The following PTGFRN variants were observed in gnomAD, a reference collection of about 807,000 sequenced individuals.
The protein encoded by PTGFRN is prostaglandin F2 receptor negative regulator.
Under a neutral mutation model 83.2 loss-of-function variants are expected in PTGFRN, and 35 were observed. That is an observed-to-expected ratio of 0.42 (90% CI 0.32 to 0.56). PTGFRN has a LOEUF of 0.56. PTGFRN is among the 20% of genes least tolerant of loss of function. The pLI is 0.11. For synonymous variants in PTGFRN, 519 were observed against 498.6 expected (o/e 1.04, Z -0.55); for missense variants, 1,051 against 1,179.5 (o/e 0.89, Z 1.60).
chr1:116,960,900 G>C (rs79064016), intron 4 of PTGFRN, among the ~76,000 whole-genome samples: 2,898 of 152,204 alleles, frequency 0.019, 98 homozygotes, highest in African/African-American at 0.067. Flanking sequence ...GGTGGACACT[G>C]AGCTTCTTAA....
intron 1 of PTGFRN, among the ~76,000 whole-genome samples, chr1:116,937,205 A>G (rs948467852): frequency 1.3e-4 from 20 of 149,690 alleles, no homozygotes; most frequent in African/African-American, 4.9e-4. Flanking sequence ...AGTATAGTGG[A>G]GGAAGAGGAA....
rs1413401226 is a variant in PTGFRN, at chr1:116,909,966, C to G, written c.-238C>G. 2 of 565,254 alleles carry G rather than the reference C, an allele frequency of 3.5e-6. No individual in the cohort carries two copies. Among genetic ancestry groups the G allele is most frequent in the South Asian group, 2.0e-5 (1 of 49,044 alleles). 35.0% of individuals were successfully genotyped at this position (565,254 alleles called of 1,614,324 possible). A position where few individuals can be genotyped will look rare whatever the true frequency, so the allele number is the denominator to read the frequency against. ...GGGCTGCACACTCGGATCGGCGGGG[C>G]CGGCTCCCGGGCCCGGCCGGCTGGA... is the stretch of plus-strand genomic sequence containing the variant. On this transcript the variant is annotated 5_prime_UTR_variant, in exon 1 of 9. Coordinates refer to ENST00000393203, the MANE Select transcript of PTGFRN (RefSeq NM_020440.4).
intron 6 of PTGFRN, among the ~76,000 whole-genome samples, chr1:116,968,934 T>A (rs1650914979): frequency 6.6e-6 from 1 of 152,210 alleles, no homozygotes; most frequent in Non-Finnish European, 1.5e-5. Context: ...TATGCCACAT[T>A]TGTTTATCTG....
At chr1:116,969,680 T>C (rs1296244614) in intron 6 of PTGFRN, among the ~76,000 whole-genome samples, 2 of 152,198 alleles carry the variant, frequency 1.3e-5, no homozygotes, top group Non-Finnish European at 2.9e-5. Context: ...TGTAGATCAA[T>C]TTGGAAAGCA....
chr1:116,974,437 C>G, intron 7 of PTGFRN, 114 bp downstream of exon 7: 1 of 793,602 alleles, frequency 1.3e-6, no homozygotes, highest in Non-Finnish European at 2.1e-6. Context: ...TATTTATCCC[C>G]TAACTGCCTG....
chr1:116,936,380 A>G (rs1156228587), intron 1 of PTGFRN, among the ~76,000 whole-genome samples: 1 of 152,244 alleles, frequency 6.6e-6, no homozygotes, highest in African/African-American at 2.4e-5. Flanking sequence ...GCTCAGGTTT[A>G]TATCTTTTCG....
intron 1 of PTGFRN, among the ~76,000 whole-genome samples, chr1:116,930,311 C>G (rs571722454): frequency 6.6e-5 from 10 of 152,318 alleles, no homozygotes; most frequent in African/African-American, 2.2e-4. Flanking sequence ...TGTGCTGACT[C>G]TTTTTCTTCT....
chr1:116,922,149 G>C (rs1270851773), intron 1 of PTGFRN, among the ~76,000 whole-genome samples: 2 of 152,168 alleles, frequency 1.3e-5, no homozygotes, highest in African/African-American at 4.8e-5. Flanking sequence ...CTAAGAGCCG[G>C]CATGTGTGAG....
rs530099144 is a variant in PTGFRN at position 116,977,742 on chromosome 1, A to G, written c.2167+3419A>G. Reference sequence around the variant, plus strand: ...AAGCAGTGTGTAGAGGGAAATTTATAGCACTAAATGCCCACAAGAGAAAGC... The same window carrying G: ...AAGCAGTGTGTAGAGGGAAATTTATGGCACTAAATGCCCACAAGAGAAAGC... On this transcript the variant is annotated intron_variant, in intron 7 of 8. Transcript: ENST00000393203. Among the ~76,000 whole-genome samples, 15 of 152,360 alleles carry G rather than the reference A, an allele frequency of 9.8e-5. No individual in the cohort carries two copies. In the East Asian group the frequency reaches 2.5e-3, roughly 25 times the overall value.
At chr1:116,975,320 G>A (rs1271687546) in intron 7 of PTGFRN, among the ~76,000 whole-genome samples, 6 of 152,196 alleles carry the variant, frequency 3.9e-5, no homozygotes, top group African/African-American at 1.4e-4. Context: ...CAAACAAAAG[G>A]CAGCAGAAAC....
chr1:116,922,121 C>T (rs912999585), intron 1 of PTGFRN, among the ~76,000 whole-genome samples: 2 of 152,076 alleles, frequency 1.3e-5, no homozygotes, highest in African/African-American at 4.8e-5. Flanking sequence ...GGCAGCATCA[C>T]CAGCGCCCAC....
rs1412507105 is a variant in PTGFRN at position 116,986,804 on chromosome 1, T to G, written c.2477T>G (p.Leu826Arg). The G allele has an allele frequency of 6.2e-7, 1 of 1,614,038 alleles. No homozygotes were observed. The highest frequency in any genetic ancestry group is 8.5e-7 in the Non-Finnish European group (1 of 1,179,962). Reference protein sequence around the residue: ...PVFITVKMDVLNAFKYPLLIG... With the variant: ...PVFITVKMDVRNAFKYPLLIG... Reference sequence around the variant, plus strand: ...CCCTTTGATCTCTCCCTCCCAGTGCTGAACGCCTTCAAGTATCCCTTGCTG... The same window carrying G: ...CCCTTTGATCTCTCCCTCCCAGTGCGGAACGCCTTCAAGTATCCCTTGCTG... Residue 826 changes from leucine (L) to arginine (R), a missense_variant, in exon 9 of 9, where the codon CTG (leucine) becomes CGG (arginine). Physicochemically the swap from Leu to Arg is moderately radical, Grantham distance 102. Transcript: ENST00000393203.
chr1:116,957,486 G>GT lies in PTGFRN; in HGVS notation c.1214-3750dup, dbSNP rs1207656092. Among the ~76,000 whole-genome samples the GT allele has an allele frequency of 2.6e-5, 4 of 152,080 alleles. No homozygotes were observed. The South Asian group carries it at 6.2e-4, about 24-fold the overall frequency. On this transcript the variant is annotated intron_variant, in intron 4 of 8. Transcript: ENST00000393203. ...TAGGTCAGTCAAGTCACTCCAACATGTTTTTTTAATTGACAGATTAAAATT... is the reference window on the plus strand; with the variant it reads ...TAGGTCAGTCAAGTCACTCCAACATGTTTTTTTTAATTGACAGATTAAAATT...
chr1:116,962,012 GT>G (rs1456697355), intron 5 of PTGFRN, among the ~76,000 whole-genome samples: 1 of 152,194 alleles, frequency 6.6e-6, no homozygotes, highest in African/African-American at 2.4e-5. Context: ...TCTGAGGACA[GT>G]TTCCCCCAGA....
chr1:116,914,670 C>T (rs950908132), intron 1 of PTGFRN, among the ~76,000 whole-genome samples: 4 of 151,874 alleles, frequency 2.6e-5, no homozygotes, highest in African/African-American at 9.7e-5. Flanking sequence ...GGGAGGATCA[C>T]TTGAGTCTGG....
Position 116,967,279 on chromosome 1 carries a change from G to A in PTGFRN, c.2008G>A (p.Glu670Lys). 2 of 1,614,228 alleles carry A rather than the reference G, an allele frequency of 1.2e-6. No homozygotes were observed. The highest frequency in any genetic ancestry group is 8.5e-7 in the Non-Finnish European group (1 of 1,180,026). ...WSPVRGSLWREAATSLSNPIE... is the reference protein window; with the variant it reads ...WSPVRGSLWRKAATSLSNPIE... ...TCCTGTCAGGGGCAGCCTTTGGCGAGAAGCAGCAACCAGTCTCTCCAATCC... is the reference window on the plus strand; with the variant it reads ...TCCTGTCAGGGGCAGCCTTTGGCGAAAAGCAGCAACCAGTCTCTCCAATCC... The change falls in exon 6 of 9, where the codon GAA (glutamate) becomes AAA (lysine). Residue 670 changes from glutamate to lysine, a missense_variant. Physicochemically the swap from Glu to Lys is moderately conservative, Grantham distance 56 (BLOSUM62 1). This residue lies in a region of PTGFRN where 719 missense variants were observed against 836.6 expected (regional missense o/e 0.86). Transcript: ENST00000393203.
At chr1:116,960,425 G>A (rs186482657) in intron 4 of PTGFRN, among the ~76,000 whole-genome samples, 1 of 152,278 alleles carries the variant, frequency 6.6e-6, no homozygotes, top group East Asian at 1.9e-4. Context: ...AATTGATGCA[G>A]TGAACCCCAG....
intron 8 of PTGFRN, among the ~76,000 whole-genome samples, chr1:116,986,467 C>T (rs2101094528): frequency 6.6e-6 from 1 of 152,318 alleles, no homozygotes. Context: ...GATGCATCTG[C>T]TGCTGAACGT....
chr1:116,974,371 G>A (rs1651086310), intron 7 of PTGFRN, 48 bp downstream of exon 7: 2 of 1,390,482 alleles, frequency 1.4e-6, no homozygotes, highest in Non-Finnish European at 2.0e-6. Flanking sequence ...TTCTGTAAAT[G>A]TTTCTCATAT....
Sources: allele counts gnomAD v4.1 joint callset (sites outside exome capture counted in the v4.1 genomes callset), GRCh38; gene constraint gnomAD v4.1.1; regional missense constraint gnomAD v4.1.1; transcripts MANE v1.5; gene names NCBI Gene and HGNC (gene_info 2026-07-23, HGNC 2026-07-21).